CACNA1B: variants seen among roughly 807,000 people sequenced by gnomAD.
CACNA1B encodes the protein calcium voltage-gated channel subunit alpha1 B, also known as voltage-dependent N-type calcium channel subunit alpha-1B.
In CACNA1B, 70 loss-of-function variants were observed where a neutral mutation model predicts 247.2. The observed-to-expected ratio is 0.28, with a 90% CI of 0.23 to 0.35. The LOEUF (loss-of-function observed/expected upper bound fraction) is 0.35, where lower values mean the gene tolerates loss of function less well. CACNA1B is among the 10% of genes least tolerant of loss of function. The pLI is 1.00. For missense variants in CACNA1B, 2,367 were observed against 3,197.4 expected (o/e 0.74, Z 6.26); for synonymous variants, 1,231 against 1,294.4 (o/e 0.95, Z 1.05).
At chr9:137,947,629 G>T (rs1957812275) in intron 6 of CACNA1B, among the ~76,000 whole-genome samples, 1 of 151,732 alleles carries the variant, frequency 6.6e-6, no homozygotes, top group Non-Finnish European at 1.5e-5. Flanking sequence ...GGAGAGTTCT[G>T]CTGGTGACAA....
intron 15 of CACNA1B, among the ~76,000 whole-genome samples, chr9:137,987,368 C>T (rs1958377989): frequency 6.6e-6 from 1 of 152,230 alleles, no homozygotes. Flanking sequence ...ACTCTGCCCT[C>T]TTGGAGGGTT....
intron 40 of CACNA1B, 125 bp downstream of exon 40, chr9:138,112,630 T>A: frequency 1.5e-6 from 1 of 661,408 alleles, no homozygotes; most frequent in Admixed American, 2.3e-5. Flanking sequence ...TGGGCTCACC[T>A]CCTCATGAAT....
At chr9:138,022,977 G>C in intron 18 of CACNA1B, 34 bp from the exon 19 acceptor site, 2 of 1,455,932 alleles carry the variant, frequency 1.4e-6, no homozygotes, top group Non-Finnish European at 9.0e-7. Flanking sequence ...GCGGGCGGCA[G>C]ACGGGGCCGC....
rs775096777 is a variant in CACNA1B at position 137,955,735 on chromosome 9, C to T, written c.1108C>T (p.Arg370Cys). The T allele has an allele frequency of 3.1e-6, 5 of 1,612,890 alleles. No individual in the cohort carries two copies. The highest frequency in any genetic ancestry group is 4.2e-6 in the Non-Finnish European group (5 of 1,179,556). ...GGAGCGAGAGAGGGTGGAGAACCGC[C>T]GCGCCTTCCTGAAGCTGCGCCGGCA... ...AKERERVENRRAFLKLRRQQQ... is the reference protein window; with the variant it reads ...AKERERVENRCAFLKLRRQQQ... The change falls in exon 8 of 47, where the codon CGC (arginine) becomes TGC (cysteine). Residue 370 changes from arginine (R) to cysteine (C), a missense_variant. Coordinates refer to ENST00000371372, the MANE Select transcript of CACNA1B (RefSeq NM_000718.4). The surrounding 1 kb of genome is among the most constrained non-coding windows in gnomAD (Gnocchi z 6.9).
intron 31 of CACNA1B, among the ~76,000 whole-genome samples, chr9:138,067,372 C>CTA (rs1589108332): frequency 6.6e-6 from 1 of 152,186 alleles, no homozygotes; most frequent in East Asian, 1.9e-4. Flanking sequence ...CTCTAACTAA[C>CTA]TAGACTAGTA....
intron 15 of CACNA1B, among the ~76,000 whole-genome samples, chr9:138,001,261 A>G (rs1368255858): frequency 6.6e-6 from 1 of 152,230 alleles, no homozygotes; most frequent in Non-Finnish European, 1.5e-5. Flanking sequence ...AAGTCATACT[A>G]AGAATTGACA....
At chr9:137,958,138 G>A (rs1376095302) in intron 10 of CACNA1B, among the ~76,000 whole-genome samples, 3 of 74,534 alleles carry the variant, frequency 4.0e-5, no homozygotes, top group African/African-American at 3.6e-4. Flanking sequence ...TTGCTGTACA[G>A]CAGTCTGTGA....
chr9:137,962,687 G>T (rs568187127), intron 10 of CACNA1B, among the ~76,000 whole-genome samples: 1 of 152,278 alleles, frequency 6.6e-6, no homozygotes, highest in East Asian at 1.9e-4. Flanking sequence ...GCATGTAGTT[G>T]TGTGGTTTTG....
chr9:138,050,686 C>T lies in CACNA1B; in HGVS notation c.3710+1371C>T, dbSNP rs528875817. Among the ~76,000 whole-genome samples, 13 of 152,292 alleles carry T rather than the reference C, an allele frequency of 8.5e-5. No homozygotes were observed. The South Asian group carries it at 1.4e-3, about 17-fold the overall frequency. ...AGAAAAGGAGCAGGCCCCAGATGGA[C>T]GCTCCCCCAGAAAGCCTCATTTACT... is the stretch of plus-strand genomic sequence containing the variant. On this transcript the variant is annotated intron_variant, in intron 24 of 46. Transcript: ENST00000371372. The surrounding 1 kb of genome is among the most constrained non-coding windows in gnomAD (Gnocchi z 5.2).
rs532279462 is a variant in CACNA1B, at chr9:137,955,903, G to C, written c.1186+90G>C. 1.2e-6 allele frequency: 1 copy of C among 862,500 alleles called. No homozygotes were observed. Among genetic ancestry groups the C allele is most frequent in the African/African-American group, 1.7e-5 (1 of 60,030 alleles). 53.4% of individuals were successfully genotyped at this position (862,500 alleles called of 1,614,324 possible). A position where few individuals can be genotyped will look rare whatever the true frequency, so the allele number is the denominator to read the frequency against. On this transcript the variant is annotated intron_variant, in intron 8 of 46. Transcript: ENST00000371372. This position sits in a 1 kb window ranked among gnomAD's most constrained non-coding sequence, Gnocchi z 6.9. ...GCTCTGCTGCCAGCTGGGGTGCCCT[G>C]GCTGCTGGGTAGAGCCTGAAGGGAT...
At chr9:138,118,941 C>T (rs562358178) in intron 44 of CACNA1B, among the ~76,000 whole-genome samples, 173 bp downstream of exon 44, 16 of 152,182 alleles carry the variant, frequency 1.1e-4, no homozygotes, top group African/African-American at 3.6e-4. Context: ...CCTGTCTGGG[C>T]GCCGACAGAG....
intron 10 of CACNA1B, among the ~76,000 whole-genome samples, chr9:137,963,437 C>T (rs976061870): frequency 6.6e-5 from 10 of 152,162 alleles, no homozygotes; most frequent in Non-Finnish European, 2.9e-5. Context: ...CTCTGTCGCC[C>T]AGGCTGGAGT....
At position 138,023,567 on chromosome 9, in the gene CACNA1B, G is replaced by C. The variant is rs1474040831; in HGVS notation, c.2824G>C (p.Asp942His). The change falls in exon 19 of 47, where the codon GAT becomes CAT. Residue 942 changes from aspartate to histidine, a missense_variant. Around this residue, in one of 12 missense-constraint regions of CACNA1B, gnomAD observed 631 missense variants for 631.1 expected, o/e 1.00. Transcript: ENST00000371372. ...PRRHRAHRHQDPSKECAGAKG... is the reference protein window; with the variant it reads ...PRRHRAHRHQHPSKECAGAKG... ...ACGCCACCGCGCGCACCGGCACCAG[G>C]ATCCGAGCAAGGAGTGCGCCGGCGC... 3 of 1,093,044 alleles carry C rather than the reference G, an allele frequency of 2.7e-6. No individual in the cohort carries two copies. Among genetic ancestry groups the C allele is most frequent in the Admixed American group, 4.5e-5 (1 of 21,990 alleles). 67.7% of individuals were successfully genotyped at this position (1,093,044 alleles called of 1,614,324 possible).
intron 35 of CACNA1B, among the ~76,000 whole-genome samples, chr9:138,076,771 C>G (rs1960334455): frequency 6.6e-6 from 1 of 152,232 alleles, no homozygotes; most frequent in African/African-American, 2.4e-5. Context: ...TTTGCCATTT[C>G]AGTCCATGTG....
intron 19 of CACNA1B, among the ~76,000 whole-genome samples, chr9:138,024,401 C>T (rs1006155204): frequency 1.3e-5 from 2 of 152,216 alleles, no homozygotes; most frequent in Non-Finnish European, 2.9e-5. Context: ...ACAAACCAAC[C>T]AGAATACTTG....
In CACNA1B at chr9:137,914,594, C is replaced by T; in HGVS notation, c.623-60C>T. 6.7e-7 allele frequency: 1 copy of T among 1,482,658 alleles called. No homozygotes were observed. Among genetic ancestry groups the T allele is most frequent in the Admixed American group, 1.7e-5 (1 of 57,694 alleles). The allele number at this position is 1,482,658 out of a possible 1,614,324, so 91.8% of individuals were successfully genotyped here. A position where few individuals can be genotyped will look rare whatever the true frequency, so the allele number is the denominator to read the frequency against. ...TCCTGCTGTTCTGTCCCTGCCCCCA[C>T]CAAATTCCTTGCCCTACCCTGCCCA... On this transcript the variant is annotated intron_variant, in intron 4 of 46. Coordinates refer to ENST00000371372, the MANE Select transcript of CACNA1B (RefSeq NM_000718.4). The surrounding 1 kb of genome is among the most constrained non-coding windows in gnomAD (Gnocchi z 4.3).
chr9:138,030,593 A>C (rs985157376), intron 20 of CACNA1B, among the ~76,000 whole-genome samples: 1 of 152,182 alleles, frequency 6.6e-6, no homozygotes, highest in East Asian at 1.9e-4. Flanking sequence ...TATTGGATTC[A>C]TAAAATGTTT....
At chr9:137,886,254 G>A (rs569223341) in intron 3 of CACNA1B, among the ~76,000 whole-genome samples, 5 of 151,592 alleles carry the variant, frequency 3.3e-5, no homozygotes, top group African/African-American at 1.2e-4. Context: ...GTCCGGTTGT[G>A]TCTGACATGG....
intron 15 of CACNA1B, among the ~76,000 whole-genome samples, chr9:138,004,647 C>T (rs1267213698): frequency 6.6e-6 from 1 of 151,696 alleles, no homozygotes; most frequent in African/African-American, 2.4e-5. Flanking sequence ...CCTTCCTGTG[C>T]ATGTTTAGCA....
Sources: allele counts gnomAD v4.1 joint callset (sites outside exome capture counted in the v4.1 genomes callset), GRCh38; gene constraint gnomAD v4.1.1; regional missense constraint gnomAD v4.1.1; non-coding constraint Gnocchi (gnomAD v3.1); transcripts MANE v1.5; gene names NCBI Gene and HGNC (gene_info 2026-07-23, HGNC 2026-07-21).